The following PPP2R2B variants were observed in gnomAD, a reference collection of about 807,000 sequenced individuals.
PPP2R2B encodes the protein protein phosphatase 2 regulatory subunit Bbeta.
In PPP2R2B, 5 loss-of-function variants were observed where a neutral mutation model predicts 46.0. That is an observed-to-expected ratio of 0.11 (90% CI 0.06 to 0.23). The LOEUF (loss-of-function observed/expected upper bound fraction) is 0.23, where lower values mean the gene tolerates loss of function less well. Among genes scored for constraint, PPP2R2B ranks in the 10% least tolerant of loss-of-function variants. The pLI is 1.00. For synonymous variants in PPP2R2B, 215 were observed against 206.7 expected, an observed-to-expected ratio of 1.04 and a Z score of -0.34; for missense variants, 367 against 575.0, an observed-to-expected ratio of 0.64 and a Z score of 3.70.
At chr5:146,714,783 A>G (rs1477004494) in intron 2 of PPP2R2B, among the ~76,000 whole-genome samples, 1 of 149,626 alleles carries the variant, frequency 6.7e-6, no homozygotes, top group Non-Finnish European at 1.5e-5. Flanking sequence ...TGTGATTGCT[A>G]TGAATAAAAG....
intron 2 of PPP2R2B, among the ~76,000 whole-genome samples, chr5:146,855,357 A>G (rs1035457034): frequency 1.3e-5 from 2 of 152,204 alleles, no homozygotes; most frequent in Non-Finnish European, 2.9e-5. Context: ...TATCACCTGC[A>G]TGGAGTCTCT....
At chr5:146,600,266 C>A (rs1254869379) in intron 8 of PPP2R2B, 25 bp downstream of exon 8, 2 of 1,610,488 alleles carry the variant, frequency 1.2e-6, no homozygotes, top group Non-Finnish European at 1.7e-6. Context: ...GTTCAATATA[C>A]CTATGGGTGC....
At chr5:146,772,597 T>C (rs1203238884) in intron 2 of PPP2R2B, among the ~76,000 whole-genome samples, 3 of 151,940 alleles carry the variant, frequency 2.0e-5, no homozygotes, top group Admixed American at 2.0e-4. Context: ...ATTTGAATTC[T>C]TTTTAGTGGA....
intron 2 of PPP2R2B, among the ~76,000 whole-genome samples, chr5:146,760,560 A>C (rs1864949): frequency 6.6e-6 from 1 of 152,220 alleles, no homozygotes; most frequent in Non-Finnish European, 1.5e-5. Context: ...TTATCAAACT[A>C]AACAATTTAA....
At chr5:147,043,402 A>G (rs1756403045) in intron 1 of PPP2R2B, among the ~76,000 whole-genome samples, 2 of 152,104 alleles carry the variant, frequency 1.3e-5, no homozygotes, top group Admixed American at 6.6e-5. Context: ...AGAGAAACGC[A>G]GAGAAAAGAC....
At position 146,809,977 on chromosome 5, in the gene PPP2R2B, C is replaced by T. The variant is rs537338787; in HGVS notation, c.70+68025G>A. On this transcript the variant is annotated intron_variant, in intron 2 of 9. Coordinates refer to ENST00000394411, the MANE Select transcript of PPP2R2B (RefSeq NM_181675.4). The stretch of plus-strand genomic sequence containing the variant: ...GGAGTACAAAAAAGGACTTGCTAGC[C>T]AATCTGTTGTGTGGGGGTAGAGTAA... Among the ~76,000 whole-genome samples the T allele has an allele frequency of 3.3e-5, 5 of 152,144 alleles. No homozygotes were observed. In the South Asian group the frequency reaches 6.2e-4, roughly 19 times the overall value.
chr5:146,999,267 G>A (rs1222793202), intron 1 of PPP2R2B, among the ~76,000 whole-genome samples: 1 of 152,114 alleles, frequency 6.6e-6, no homozygotes, highest in Non-Finnish European at 1.5e-5. Flanking sequence ...ACAAATAAAT[G>A]TAAAATAAAG....
At position 146,828,190 on chromosome 5, in the gene PPP2R2B, G is replaced by T. The variant is rs1341693562; in HGVS notation, c.70+49812C>A. Reference sequence around the variant, plus strand: ...CATAATGCACATTCTCTAGTTGAAGGTTTTATTTTCCCTTTTCTTTGTTGT... The same window carrying T: ...CATAATGCACATTCTCTAGTTGAAGTTTTTATTTTCCCTTTTCTTTGTTGT... On this transcript the variant is annotated intron_variant, in intron 2 of 9. Transcript: ENST00000394411. Among the ~76,000 whole-genome samples the T allele has an allele frequency of 2.0e-5, 3 of 151,230 alleles. No homozygotes were observed. The East Asian group carries it at 5.8e-4, about 29-fold the overall frequency.
chr5:147,026,117 C>A (rs975838906), intron 1 of PPP2R2B, among the ~76,000 whole-genome samples: 4 of 151,974 alleles, frequency 2.6e-5, no homozygotes, highest in Admixed American at 6.5e-5. Context: ...CCATTCTACA[C>A]CTAAGTACCT....
chr5:146,609,542 C>T (rs1026744988), intron 7 of PPP2R2B, among the ~76,000 whole-genome samples: 3 of 151,876 alleles, frequency 2.0e-5, no homozygotes, highest in Admixed American at 1.3e-4. Context: ...GCGTGAGCGA[C>T]GCAGAAGACG....
At chr5:146,726,328 G>C (rs900281521) in intron 2 of PPP2R2B, among the ~76,000 whole-genome samples, 1 of 152,166 alleles carries the variant, frequency 6.6e-6, no homozygotes, top group South Asian at 2.1e-4. Context: ...GACTGTCCTA[G>C]GTGCTGCTGA....
At chr5:146,973,574 T>C (rs1049225255) in intron 1 of PPP2R2B, among the ~76,000 whole-genome samples, 2 of 152,146 alleles carry the variant, frequency 1.3e-5, no homozygotes, top group Admixed American at 6.6e-5. Context: ...GCTACAAAAT[T>C]GGGGTTATGA....
At chr5:146,598,988 C>T (rs1468873278) in intron 8 of PPP2R2B, among the ~76,000 whole-genome samples, 2 of 152,086 alleles carry the variant, frequency 1.3e-5, no homozygotes, top group African/African-American at 4.8e-5. Context: ...CATTATATCT[C>T]AAGGAAAAAA....
chr5:146,803,765 T>C (rs899525579), intron 2 of PPP2R2B, among the ~76,000 whole-genome samples: 4 of 152,218 alleles, frequency 2.6e-5, no homozygotes, highest in Non-Finnish European at 5.9e-5. Flanking sequence ...TATGTGGTTT[T>C]TGGCAAATTA....
rs892742863 is a variant in PPP2R2B, at chr5:146,581,329, C to T, written c.*8618G>A. ...AGAGAGACAGAGGGGAGGTTCTTCA[C>T]ACCTTTAAACAACCAGATCTCGTGA... On this transcript the variant is annotated 3_prime_UTR_variant, in exon 10 of 10. Coordinates refer to ENST00000394411, the MANE Select transcript of PPP2R2B (RefSeq NM_181675.4). 6.6e-6 allele frequency: 1 copy of T among 151,838 alleles called. No homozygotes were observed. Among genetic ancestry groups the T allele is most frequent in the African/African-American group, 2.4e-5 (1 of 41,326 alleles). The allele number at this position is 151,838 out of a possible 1,614,324, so 9.4% of individuals were successfully genotyped here.
chr5:146,619,015 C>T (rs1359940025), intron 7 of PPP2R2B, among the ~76,000 whole-genome samples: 3 of 152,156 alleles, frequency 2.0e-5, no homozygotes, highest in Non-Finnish European at 4.4e-5. Context: ...TTCAGGGGCT[C>T]CATATCAAGC....
intron 1 of PPP2R2B, among the ~76,000 whole-genome samples, chr5:146,997,105 G>A (rs1423236244): frequency 5.9e-5 from 9 of 152,094 alleles, no homozygotes; most frequent in Admixed American, 1.3e-4. Context: ...AGTATGAAAT[G>A]TACTCAGTTG....
intron 2 of PPP2R2B, among the ~76,000 whole-genome samples, chr5:146,734,336 T>A (rs1313228358): frequency 6.6e-6 from 1 of 152,058 alleles, no homozygotes; most frequent in Non-Finnish European, 1.5e-5. Flanking sequence ...GGATTACAGG[T>A]ATGAGCCTGG....
chr5:146,851,491 C>T (rs1250621879), intron 2 of PPP2R2B, among the ~76,000 whole-genome samples: 1 of 152,100 alleles, frequency 6.6e-6, no homozygotes, highest in Non-Finnish European at 1.5e-5. Context: ...ATTGCTTCAT[C>T]ATGATTGTAA....
Sources: gnomAD v4.1 joint callset for allele counts (sites outside exome capture counted in the v4.1 genomes callset) on GRCh38, gnomAD v4.1.1 for gene constraint, MANE v1.5 for transcripts, NCBI Gene and HGNC (gene_info 2026-07-23, HGNC 2026-07-21) for gene names.